B3GAT2: variants seen among roughly 807,000 people sequenced by gnomAD.
B3GAT2 encodes galactosylgalactosylxylosylprotein 3-beta-glucuronosyltransferase 2.
B3GAT2 carries 26 observed loss-of-function variants against 27.8 expected under a neutral mutation model. That is an observed-to-expected ratio of 0.93 (90% confidence interval 0.68 to 1.30). The LOEUF (loss-of-function observed/expected upper bound fraction) is 1.30, where lower values mean the gene tolerates loss of function less well. Among genes scored for constraint, B3GAT2 ranks in the 50% most tolerant of loss-of-function variants. The probability of loss-of-function intolerance (pLI) is 0.00; values close to 1 mark genes in which losing one functional copy is unlikely to be tolerated. For missense variants in B3GAT2, 458 were observed against 459.0 expected (o/e 1.00, Z 0.02); for synonymous variants, 218 against 195.1 (o/e 1.12, Z -0.98).
intron 1 of B3GAT2, among the ~76,000 whole-genome samples, chr6:70,940,340 G>A (rs769887650): frequency 2.6e-5 from 4 of 152,152 alleles, no homozygotes; most frequent in Admixed American, 2.0e-4. Context: ...GGGGCTCAGT[G>A]TCCCCAGGCA....
At chr6:70,937,597 T>C (rs1437709935) in intron 1 of B3GAT2, among the ~76,000 whole-genome samples, 4 of 151,880 alleles carry the variant, frequency 2.6e-5, no homozygotes, top group African/African-American at 9.7e-5. Flanking sequence ...GCTGGTTCAA[T>C]ATATGCAAAT....
At chr6:70,882,041 C>T (rs1281799198) in intron 2 of B3GAT2, among the ~76,000 whole-genome samples, 3 of 152,144 alleles carry the variant, frequency 2.0e-5, no homozygotes, top group Non-Finnish European at 4.4e-5. Context: ...TGCCCCCAAC[C>T]CTCAACCATT....
intron 1 of B3GAT2, among the ~76,000 whole-genome samples, chr6:70,934,613 T>C (rs1399392065): frequency 6.6e-6 from 1 of 152,192 alleles, no homozygotes; most frequent in African/African-American, 2.4e-5. Flanking sequence ...CCTAATATCA[T>C]TAATAAATCA....
At chr6:70,885,285 A>T (rs2150028017) in intron 2 of B3GAT2, among the ~76,000 whole-genome samples, 1 of 152,296 alleles carries the variant, frequency 6.6e-6, no homozygotes, top group African/African-American at 2.4e-5. Context: ...ACTCACCTAC[A>T]GGGGCAAGCG....
chr6:70,902,299 C>T (rs1028714547), intron 1 of B3GAT2, among the ~76,000 whole-genome samples: 6 of 151,548 alleles, frequency 4.0e-5, no homozygotes, highest in Admixed American at 3.9e-4. Flanking sequence ...ACAGTCTCTT[C>T]AGCAATCAGG....
chr6:70,944,644 G>A (rs1035785713), intron 1 of B3GAT2, among the ~76,000 whole-genome samples: 4 of 152,096 alleles, frequency 2.6e-5, no homozygotes, highest in Non-Finnish European at 5.9e-5. Flanking sequence ...TGAGGACAGG[G>A]CACAGACAAA....
At chr6:70,880,665 T>A (rs1772087018) in intron 2 of B3GAT2, among the ~76,000 whole-genome samples, 2 of 151,774 alleles carry the variant, frequency 1.3e-5, no homozygotes, top group African/African-American at 4.8e-5. Flanking sequence ...TTTTTTTTTT[T>A]TTTTGAAACA....
intron 1 of B3GAT2, among the ~76,000 whole-genome samples, chr6:70,905,026 A>G (rs967515807): frequency 3.9e-5 from 6 of 152,216 alleles, no homozygotes; most frequent in African/African-American, 1.4e-4. Context: ...TTCAGACTAA[A>G]TATAGTTATC....
At chr6:70,862,659 A>G (rs1458303565) in intron 2 of B3GAT2, among the ~76,000 whole-genome samples, 1 of 152,102 alleles carries the variant, frequency 6.6e-6, no homozygotes. Flanking sequence ...ATTTTCTTCA[A>G]TGGTTTGGTC....
At chr6:70,934,461 T>C (rs186170587) in intron 1 of B3GAT2, among the ~76,000 whole-genome samples, 1 of 148,092 alleles carries the variant, frequency 6.8e-6, no homozygotes, top group African/African-American at 2.5e-5. Flanking sequence ...CCACCTAATA[T>C]AACCTCCAGG....
chr6:70,894,376 T>C (rs948589408), intron 1 of B3GAT2, 104 bp from the exon 2 acceptor site: 4 of 1,268,126 alleles, frequency 3.2e-6, no homozygotes, highest in Non-Finnish European at 4.2e-6. Flanking sequence ...TGGTGTAAGA[T>C]TTCAAAAGCT....
Position 70,879,247 on chromosome 6 carries a change from C to T in B3GAT2, c.736+14881G>A, listed in dbSNP as rs546280117. ...ATATTTGAAATGTCTCTTTTGCCCT[C>T]ACACAGACATAATGATTTCACGGGG... On this transcript the variant is annotated intron_variant, in intron 2 of 3. Coordinates refer to ENST00000230053, the MANE Select transcript of B3GAT2 (RefSeq NM_080742.3). 2.6e-5 allele frequency among the ~76,000 whole-genome samples: 4 copies of T among 152,254 alleles called. No individual in the cohort carries two copies. In the South Asian group the frequency reaches 6.2e-4, roughly 24 times the overall value.
chr6:70,937,969 G>A (rs976978870), intron 1 of B3GAT2, among the ~76,000 whole-genome samples: 1 of 151,252 alleles, frequency 6.6e-6, no homozygotes, highest in African/African-American at 2.4e-5. Flanking sequence ...AATTGTCCCT[G>A]TTTGCAGACG....
chr6:70,939,129 G>T (rs1429663253), intron 1 of B3GAT2, among the ~76,000 whole-genome samples: 1 of 152,050 alleles, frequency 6.6e-6, no homozygotes, highest in African/African-American at 2.4e-5. Context: ...CATTTATGCA[G>T]CCAAAAGACA....
rs112979827 is a variant in B3GAT2 at position 70,906,285 on chromosome 6, A to T, written c.592-12013T>A. Among the ~76,000 whole-genome samples the T allele has an allele frequency of 3.0e-3, 461 of 152,258 alleles. 6 individuals carry two copies. The highest frequency in any genetic ancestry group is 0.01 in the African/African-American group (434 of 41,564). ...GGTACTATTCCAGCACATTACAGTGATCGTACACCCCTATACTCTACCACG... is the reference window on the plus strand; with the variant it reads ...GGTACTATTCCAGCACATTACAGTGTTCGTACACCCCTATACTCTACCACG... On this transcript the variant is annotated intron_variant, in intron 1 of 3. Coordinates refer to ENST00000230053, the MANE Select transcript of B3GAT2 (RefSeq NM_080742.3).
intron 1 of B3GAT2, among the ~76,000 whole-genome samples, chr6:70,907,888 T>C (rs1205160671): frequency 6.6e-6 from 1 of 152,216 alleles, no homozygotes; most frequent in African/African-American, 2.4e-5. Flanking sequence ...TATTTAGTTA[T>C]TCTGCTAATA....
At chr6:70,881,876 A>C (rs1240979353) in intron 2 of B3GAT2, among the ~76,000 whole-genome samples, 2 of 152,110 alleles carry the variant, frequency 1.3e-5, no homozygotes, top group Non-Finnish European at 2.9e-5. Flanking sequence ...ACTTAGCCTC[A>C]CATTTCTCCC....
chr6:70,876,832 G>A (rs1772022188), intron 2 of B3GAT2, among the ~76,000 whole-genome samples: 1 of 152,188 alleles, frequency 6.6e-6, no homozygotes, highest in African/African-American at 2.4e-5. Flanking sequence ...GCACAGCTGT[G>A]CCACAGATGC....
intron 1 of B3GAT2, among the ~76,000 whole-genome samples, chr6:70,927,491 G>A (rs1772982829): frequency 6.6e-6 from 1 of 152,106 alleles, no homozygotes; most frequent in African/African-American, 2.4e-5. Flanking sequence ...GATCTACCAA[G>A]CAAATGGAAA....
Sources: gnomAD v4.1 joint callset for allele counts (sites outside exome capture counted in the v4.1 genomes callset) on GRCh38, gnomAD v4.1.1 for gene constraint, MANE v1.5 for transcripts, NCBI Gene and HGNC (gene_info 2026-07-23, HGNC 2026-07-21) for gene names.